Variants in FARP2 observed in about 807,000 individuals in gnomAD.
FARP2 encodes the protein FERM, ARH/RhoGEF and pleckstrin domain protein 2.
In FARP2, 111 loss-of-function variants were observed where a neutral mutation model predicts 130.5. That is an observed-to-expected ratio of 0.85 (90% CI 0.73 to 1.00). The LOEUF (loss-of-function observed/expected upper bound fraction) is 1.00, where lower values mean the gene tolerates loss of function less well. Among genes scored for constraint, FARP2 ranks in the 50% least tolerant of loss-of-function variants. FARP2 has a pLI of 0.00. For missense variants in FARP2, 1,385 were observed against 1,346.3 expected, an observed-to-expected ratio of 1.03 and a Z score of -0.45; for synonymous variants, 504 against 516.9, an observed-to-expected ratio of 0.98 and a Z score of 0.34.
At chr2:241,363,851 A>G (rs1052467350) in intron 1 of FARP2, among the ~76,000 whole-genome samples, 1 of 152,266 alleles carries the variant, frequency 6.6e-6, no homozygotes. Flanking sequence ...GTGTGATGTT[A>G]AAAATGTCCA....
chr2:241,379,662 T>C, intron 2 of FARP2, among the ~76,000 whole-genome samples: 1 of 152,236 alleles, frequency 6.6e-6, no homozygotes, highest in Middle Eastern at 3.2e-3. Flanking sequence ...CCAGAAAGTA[T>C]TGTAGCCAGA....
chr2:241,384,250 T>G (rs2061733539), intron 2 of FARP2, among the ~76,000 whole-genome samples: 1 of 152,174 alleles, frequency 6.6e-6, no homozygotes, highest in African/African-American at 2.4e-5. Flanking sequence ...CACTTCCAAC[T>G]GTTGTTATTG....
rs918734688 is a variant in FARP2, at chr2:241,443,640, T to A, written c.1411+2084T>A. The A allele has an allele frequency of 7.2e-5, 11 of 152,172 alleles. No homozygotes were observed. In the East Asian group the frequency reaches 1.9e-3, roughly 27 times the overall value. The allele number at this position is 152,172 out of a possible 1,614,324, so 9.4% of individuals were successfully genotyped here. Reference sequence around the variant, plus strand: ...CAAGGCTGATGTTTGTGGCACAGAGTGGGTAGGTCCATCCAGGGACGTCAT... The same window carrying A: ...CAAGGCTGATGTTTGTGGCACAGAGAGGGTAGGTCCATCCAGGGACGTCAT... On this transcript the variant is annotated intron_variant, in intron 13 of 26. Coordinates refer to ENST00000264042, the MANE Select transcript of FARP2 (RefSeq NM_014808.4).
chr2:241,363,911 C>T (rs960012764), intron 1 of FARP2, among the ~76,000 whole-genome samples: 3 of 152,172 alleles, frequency 2.0e-5, no homozygotes, highest in African/African-American at 7.2e-5. Context: ...GAAAATAACT[C>T]GTGAAAAAAG....
At chr2:241,435,341 A>T (rs1278103390) in intron 11 of FARP2, among the ~76,000 whole-genome samples, 1 of 151,328 alleles carries the variant, frequency 6.6e-6, no homozygotes, top group Non-Finnish European at 1.5e-5. Context: ...TGTGGGCTCA[A>T]GTAATCCTCC....
chr2:241,457,016 G>A lies in FARP2; in HGVS notation c.1587+94G>A, dbSNP rs2074773. The stretch of plus-strand genomic sequence containing the variant: ...GTGGTGCTGGTGGGGACCCTGGGGC[G>A]GGGCAGGGAAGGGCTCTGCACTCAC... On this transcript the variant is annotated intron_variant, in intron 14 of 26. Transcript: ENST00000264042. 3.3e-3 allele frequency: 3,962 copies of A among 1,212,820 alleles called. 13 individuals are homozygous for A. Among genetic ancestry groups the A allele is most frequent in the Middle Eastern group, 7.5e-3 (26 of 3,444 alleles). 75.1% of individuals were successfully genotyped at this position (1,212,820 alleles called of 1,614,324 possible).
rs139654968 is a variant in FARP2, at chr2:241,424,783, C to A, written c.771+6674C>A. Among the ~76,000 whole-genome samples the A allele has an allele frequency of 2.0e-5, 3 of 152,210 alleles. No homozygotes were observed. In the South Asian group the frequency reaches 6.2e-4, roughly 32 times the overall value. ...TAGGGGAATATCACCACTGAACCCA[C>A]GGAAATATAAACGATCATCAGAGAA... On this transcript the variant is annotated intron_variant, in intron 8 of 26. Transcript: ENST00000264042.
At chr2:241,412,958 G>T (rs770516094) in intron 6 of FARP2, among the ~76,000 whole-genome samples, 2 of 152,132 alleles carry the variant, frequency 1.3e-5, no homozygotes, top group African/African-American at 4.8e-5. Context: ...AGTCCAGAAG[G>T]TTGAGGCTGC....
chr2:241,466,675 C>A, intron 17 of FARP2: 1 of 894,232 alleles, frequency 1.1e-6, no homozygotes, highest in Non-Finnish European at 1.3e-6. Context: ...CCCGCCTTCA[C>A]TCCCCTTCCA....
rs185015399 is a variant in FARP2, at chr2:241,367,210, C to T, written c.-24-5874C>T. On this transcript the variant is annotated intron_variant, in intron 1 of 26. Coordinates refer to ENST00000264042, the MANE Select transcript of FARP2 (RefSeq NM_014808.4). ...TTCTCCCCAAGCTTCTGGGGCCAAG[C>T]GTGGTTTCTGTGATGCTGGGGCCAC... Among the ~76,000 whole-genome samples, 66 of 152,178 alleles carry T rather than the reference C, an allele frequency of 4.3e-4. 1 individual carries two copies. The highest frequency in any genetic ancestry group is 1.6e-3 in the African/African-American group (65 of 41,476).
In FARP2 at chr2:241,491,719, T is replaced by C. The variant is rs141843948; in HGVS notation, c.2787+40T>C. The C allele has an allele frequency of 1.8e-3, 2,774 of 1,545,752 alleles. 9 individuals are homozygous for C. Among genetic ancestry groups the C allele is most frequent in the Non-Finnish European group, 2.2e-3 (2,486 of 1,143,506 alleles). The stretch of plus-strand genomic sequence containing the variant: ...GCACCACCTCAGTGCATCTGGAATG[T>C]TCCCAGCTGTCTCTGCACTTGGCTG... On this transcript the variant is annotated intron_variant, in intron 24 of 26. Transcript: ENST00000264042.
chr2:241,422,260 C>CAAAAAAAAA (rs1198628886), intron 8 of FARP2, among the ~76,000 whole-genome samples: 77 of 91,840 alleles, frequency 8.4e-4, no homozygotes, highest in Admixed American at 8.4e-4. Context: ...ACTAAAAATA[C>CAAAAAAAAA]AAAAAAAAAA....
At chr2:241,411,589 T>C (rs1268646948) in intron 6 of FARP2, among the ~76,000 whole-genome samples, 1 of 152,194 alleles carries the variant, frequency 6.6e-6, no homozygotes, top group Non-Finnish European at 1.5e-5. Context: ...GGTTCAGAAC[T>C]GTGTCAAGAA....
intron 2 of FARP2, among the ~76,000 whole-genome samples, chr2:241,383,844 G>A (rs1047315321): frequency 6.6e-6 from 1 of 152,112 alleles, no homozygotes; most frequent in African/African-American, 2.4e-5. Flanking sequence ...TTGGTTTGGG[G>A]CCATGTGGAG....
intron 1 of FARP2, among the ~76,000 whole-genome samples, chr2:241,357,929 G>A (rs2061104355): frequency 6.6e-6 from 1 of 152,266 alleles, no homozygotes; most frequent in African/African-American, 2.4e-5. Flanking sequence ...AGGCACAGTG[G>A]CTGTAATCCC....
At chr2:241,392,206 C>T (rs1299850212) in intron 2 of FARP2, among the ~76,000 whole-genome samples, 1 of 152,222 alleles carries the variant, frequency 6.6e-6, no homozygotes, top group Non-Finnish European at 1.5e-5. Flanking sequence ...GAGCCGCTGG[C>T]TCTCCTGCAC....
intron 2 of FARP2, among the ~76,000 whole-genome samples, chr2:241,399,933 GT>G (rs1308141861): frequency 3.9e-5 from 6 of 152,088 alleles, no homozygotes; most frequent in Non-Finnish European, 7.4e-5. Flanking sequence ...TGTACTGAAG[GT>G]TAAACACACA....
intron 18 of FARP2, chr2:241,471,305 G>A (rs972213969): frequency 6.6e-6 from 1 of 152,180 alleles, no homozygotes; most frequent in Non-Finnish European, 1.5e-5. Flanking sequence ...GCTGTTGTGA[G>A]GGGACACTAT....
rs77072490 is a variant in FARP2, at chr2:241,361,135, A to C, written c.-25+4747A>C. On this transcript the variant is annotated intron_variant, in intron 1 of 26. Transcript: ENST00000264042. ...TTATATTTTAGCACGTCTGATGGTA[A>C]ATTCCCCACAAACAAGCAACTGGCT... Among the ~76,000 whole-genome samples the C allele has an allele frequency of 4.7e-3, 712 of 152,206 alleles. 3 individuals are homozygous for C. Among genetic ancestry groups the C allele is most frequent in the African/African-American group, 0.016 (682 of 41,518 alleles).
Sources: allele counts gnomAD v4.1 joint callset (sites outside exome capture counted in the v4.1 genomes callset), GRCh38; gene constraint gnomAD v4.1.1; transcripts MANE v1.5; gene names NCBI Gene and HGNC (gene_info 2026-07-23, HGNC 2026-07-21).